Variants in SLC30A8 observed in about 807,000 individuals in gnomAD.
SLC30A8 encodes the protein solute carrier family 30 member 8, also known as proton-coupled zinc antiporter SLC30A8.
In SLC30A8, 27 loss-of-function variants were observed where a neutral mutation model predicts 36.9. The observed-to-expected ratio is 0.73, with a 90% CI of 0.54 to 1.01. SLC30A8 has a LOEUF of 1.01. SLC30A8 is among the 50% of genes least tolerant of loss of function. The pLI is 0.00. For missense variants in SLC30A8, 439 were observed against 452.0 expected (o/e 0.97, Z 0.26); for synonymous variants, 164 against 172.4 (o/e 0.95, Z 0.38).
chr8:117,152,435 A>G (rs777033701), intron 2 of SLC30A8, among the ~76,000 whole-genome samples: 6 of 152,186 alleles, frequency 3.9e-5, no homozygotes, highest in Admixed American at 6.5e-5. Context: ...TATTTCTTAC[A>G]GGGATTTCAA....
At chr8:116,999,528 G>C (rs1172568727) in intron 1 of SLC30A8, among the ~76,000 whole-genome samples, 3 of 152,174 alleles carry the variant, frequency 2.0e-5, no homozygotes, top group African/African-American at 7.2e-5. Flanking sequence ...TGTTCAAAAT[G>C]ACACTGCAAC....
At chr8:117,061,652 A>G (rs1373737226) in intron 2 of SLC30A8, among the ~76,000 whole-genome samples, 1 of 152,194 alleles carries the variant, frequency 6.6e-6, no homozygotes, top group South Asian at 2.1e-4. Context: ...ACAATCCTTT[A>G]TTACTTATAA....
intron 2 of SLC30A8, among the ~76,000 whole-genome samples, chr8:117,076,093 A>G (rs1818479313): frequency 6.6e-6 from 1 of 152,124 alleles, no homozygotes; most frequent in Admixed American, 6.6e-5. Flanking sequence ...TTAATTCTGA[A>G]ATAATTTCAG....
rs144962512 is a variant in SLC30A8, at chr8:116,975,595, A to G, written c.-266+24476A>G. Among the ~76,000 whole-genome samples, 487 of 152,320 alleles carry G rather than the reference A, an allele frequency of 3.2e-3. 4 individuals carry two copies. Among genetic ancestry groups the G allele is most frequent in the Middle Eastern group, 0.017 (5 of 294 alleles). On this transcript the variant is annotated intron_variant, in intron 1 of 10. Coordinates refer to the SLC30A8 transcript ENST00000427715. ...TGACGTAGAGGACAGACCACTTTAGAGAAGTGGTCAGAAAAAGGTAGACTA... is the reference window on the plus strand; with the variant it reads ...TGACGTAGAGGACAGACCACTTTAGGGAAGTGGTCAGAAAAAGGTAGACTA...
chr8:117,050,142 G>T (rs1009805910), intron 2 of SLC30A8, among the ~76,000 whole-genome samples: 23 of 152,138 alleles, frequency 1.5e-4, no homozygotes, highest in African/African-American at 5.3e-4. Context: ...TGCAAAGCAG[G>T]GAGACAGGAG....
chr8:116,989,556 A>T lies in SLC30A8; in HGVS notation c.-266+38437A>T, dbSNP rs543277503. On this transcript the variant is annotated intron_variant, in intron 1 of 10. Transcript: ENST00000427715. ...TTATTCAAAATAATTATTATTGTTT[A>T]TTATTTACCTAAATTGTTCGTTCTT... is the stretch of plus-strand genomic sequence containing the variant. Among the ~76,000 whole-genome samples the T allele has an allele frequency of 2.3e-3, 351 of 152,274 alleles. 1 individual carries two copies. Among genetic ancestry groups the T allele is most frequent in the African/African-American group, 8.2e-3 (339 of 41,560 alleles).
At chr8:117,133,240 T>C (rs1376427068), upstream of SLC30A8, among the ~76,000 whole-genome samples, 1 of 151,956 alleles carries the variant, frequency 6.6e-6, no homozygotes, top group Non-Finnish European at 1.5e-5. Flanking sequence ...TATTTTTTGT[T>C]GTTTTGCTTG....
At chr8:117,104,043 G>T (rs552607962) in intron 2 of SLC30A8, among the ~76,000 whole-genome samples, 1 of 152,090 alleles carries the variant, frequency 6.6e-6, no homozygotes, top group African/African-American at 2.4e-5. Context: ...TGGATACCCC[G>T]TCGCTATTCC....
chr8:117,145,923 G>A (rs980867143), intron 1 of SLC30A8, among the ~76,000 whole-genome samples: 4 of 152,214 alleles, frequency 2.6e-5, no homozygotes, highest in South Asian at 4.1e-4. Flanking sequence ...AGTGGCTCTC[G>A]TGAAGATAAG....
intron 2 of SLC30A8, among the ~76,000 whole-genome samples, chr8:117,077,739 A>G (rs1216514246): frequency 6.6e-6 from 1 of 152,206 alleles, no homozygotes; most frequent in Admixed American, 6.5e-5. Context: ...AGCTTGGAAA[A>G]AAATCCTGGA....
intron 1 of SLC30A8, among the ~76,000 whole-genome samples, chr8:116,972,137 T>C (rs1224808344): frequency 6.6e-6 from 1 of 152,236 alleles, no homozygotes; most frequent in Non-Finnish European, 1.5e-5. Flanking sequence ...ATTTTTATTT[T>C]CTTCTTCTTC....
intron 2 of SLC30A8, among the ~76,000 whole-genome samples, chr8:117,050,749 A>G (rs543486505): frequency 7.9e-5 from 12 of 152,156 alleles, no homozygotes; most frequent in Non-Finnish European, 1.8e-4. Flanking sequence ...CAAAACAGTG[A>G]TTTGAGCTTT....
intron 1 of SLC30A8, among the ~76,000 whole-genome samples, chr8:116,954,131 T>A (rs1230545188): frequency 6.6e-6 from 1 of 152,100 alleles, no homozygotes; most frequent in Non-Finnish European, 1.5e-5. Context: ...AAGTTGGAGA[T>A]AAGATAATGA....
intron 1 of SLC30A8, among the ~76,000 whole-genome samples, chr8:116,982,768 A>G (rs1191176860): frequency 2.0e-5 from 3 of 152,116 alleles, no homozygotes; most frequent in African/African-American, 7.2e-5. Context: ...AAATTCCTTT[A>G]GTGGAACTCC....
chr8:117,117,291 A>G (rs1016146387), intron 2 of SLC30A8, among the ~76,000 whole-genome samples: 5 of 151,940 alleles, frequency 3.3e-5, no homozygotes, highest in African/African-American at 4.8e-5. Flanking sequence ...TTGTCATCCC[A>G]ATTTTATGAA....
chr8:117,086,830 T>C lies in SLC30A8; in HGVS notation c.-226+47572T>C, dbSNP rs150507352. 2.6e-5 allele frequency among the ~76,000 whole-genome samples: 4 copies of C among 152,352 alleles called. No individual in the cohort carries two copies. In the East Asian group the frequency reaches 7.7e-4, roughly 29 times the overall value. On this transcript the variant is annotated intron_variant, in intron 2 of 10. Transcript: ENST00000427715. Reference sequence around the variant, plus strand: ...GTACACTCTACTCATCCTGATGGCATGGGCAAATTGTGAGGAATTAGAATC... The same window carrying C: ...GTACACTCTACTCATCCTGATGGCACGGGCAAATTGTGAGGAATTAGAATC...
At chr8:117,121,357 A>G (rs538059881) in intron 2 of SLC30A8, among the ~76,000 whole-genome samples, 80 of 152,060 alleles carry the variant, frequency 5.3e-4, no homozygotes, top group Non-Finnish European at 9.6e-4. Flanking sequence ...AGACTAATAT[A>G]ACAAAACACC....
chr8:117,166,149 A>G (rs1823045396), intron 6 of SLC30A8, among the ~76,000 whole-genome samples: 1 of 152,214 alleles, frequency 6.6e-6, no homozygotes, highest in Non-Finnish European at 1.5e-5. Context: ...ATACAACGAA[A>G]TAATAAATGT....
intron 1 of SLC30A8, among the ~76,000 whole-genome samples, chr8:117,010,919 A>G (rs1367530669): frequency 6.6e-6 from 1 of 152,178 alleles, no homozygotes; most frequent in Non-Finnish European, 1.5e-5. Flanking sequence ...AAACCATTAG[A>G]AACTGCCCCC....
Sources: allele counts gnomAD v4.1 joint callset (sites outside exome capture counted in the v4.1 genomes callset), GRCh38; gene constraint gnomAD v4.1.1; transcripts MANE v1.5; gene names NCBI Gene and HGNC (gene_info 2026-07-23, HGNC 2026-07-21).